Variants in LAMA4 observed in about 807,000 individuals in gnomAD.
The protein encoded by LAMA4 is laminin subunit alpha 4.
In LAMA4, 127 loss-of-function variants were observed where a neutral mutation model predicts 207.1. The ratio of observed to expected loss-of-function variants is 0.61; its 90% confidence interval spans 0.53 to 0.71. The LOEUF (loss-of-function observed/expected upper bound fraction) is 0.71. Ranked by LOEUF, LAMA4 falls within the 30% of genes least tolerant of loss-of-function variation. The pLI, the probability that LAMA4 is intolerant of heterozygous loss-of-function variation, is 0.00. For synonymous variants in LAMA4, 761 were observed against 816.0 expected, an observed-to-expected ratio of 0.93 and a Z score of 1.15; for missense variants, 2,093 against 2,246.5, an observed-to-expected ratio of 0.93 and a Z score of 1.38.
intron 13 of LAMA4, 135 bp downstream of exon 13, chr6:112,165,025 C>G: frequency 1.4e-6 from 1 of 739,984 alleles, no homozygotes; most frequent in Non-Finnish European, 2.5e-6. Context: ...GTGCAAGAAA[C>G]TAAAACATTC....
chr6:112,141,561 CT>C, intron 20 of LAMA4, 58 bp from the exon 21 acceptor site: 1 of 1,325,218 alleles, frequency 7.5e-7, no homozygotes, highest in Non-Finnish European at 1.1e-6. Context: ...TGAACATCAT[CT>C]TTTTTAAAGG....
chr6:112,234,829 A>C (rs1785791573), intron 2 of LAMA4: 1 of 152,236 alleles, frequency 6.6e-6, no homozygotes, highest in Non-Finnish European at 1.5e-5. Flanking sequence ...AAGTAACCAC[A>C]AATACTGTTT....
chr6:112,241,154 T>TATATATTCAG (rs1410745386), intron 2 of LAMA4, among the ~76,000 whole-genome samples: 1 of 64,680 alleles, frequency 1.5e-5, no homozygotes, highest in Non-Finnish European at 4.0e-5. Flanking sequence ...TATATGAATA[T>TATATATTCAG]ATATATGAAT....
At chr6:112,244,380 G>T (rs781914278) in intron 2 of LAMA4, among the ~76,000 whole-genome samples, 1 of 152,152 alleles carries the variant, frequency 6.6e-6, no homozygotes, top group African/African-American at 2.4e-5. Context: ...GAAACTCACG[G>T]TTCTGAGACT....
chr6:112,182,097 A>AAAAT (rs58426217), intron 9 of LAMA4, among the ~76,000 whole-genome samples: 2,467 of 148,624 alleles, frequency 0.017, 33 homozygotes, highest in African/African-American at 0.028. Flanking sequence ...ACTCTGTCTG[A>AAAAT]AAATAAATAA....
intron 13 of LAMA4, chr6:112,159,602 A>G (rs1780934054): frequency 1.3e-5 from 2 of 152,488 alleles, no homozygotes; most frequent in African/African-American, 4.8e-5. Flanking sequence ...GATTCTAAAC[A>G]TTGTCATGAT....
chr6:112,253,607 G>A, intron 2 of LAMA4: 1 of 802,824 alleles, frequency 1.2e-6, no homozygotes, highest in African/African-American at 1.7e-5. Context: ...CACACGTTAA[G>A]TGCCGTGGCT....
chr6:112,216,571 CA>C, intron 2 of LAMA4, 102 bp from the exon 3 acceptor site: 1 of 786,676 alleles, frequency 1.3e-6, no homozygotes, highest in Non-Finnish European at 2.2e-6. Context: ...ACAATCTAAA[CA>C]TTTCTAAAAT....
intron 5 of LAMA4, among the ~76,000 whole-genome samples, chr6:112,195,023 G>T (rs1656155155): frequency 6.6e-6 from 1 of 152,128 alleles, no homozygotes. Context: ...TAGAAAAAAA[G>T]ATTATTTTGA....
chr6:112,140,884 C>T lies in LAMA4; in HGVS notation c.2852G>A (p.Ser951Asn). 1 of 1,613,928 alleles carries T rather than the reference C, an allele frequency of 6.2e-7. No individual in the cohort carries two copies. Among genetic ancestry groups the T allele is most frequent in the South Asian group, 1.1e-5 (1 of 91,078 alleles). ...CTTTTCCTCTGCTGTGCTACTTAGA[C>T]TCGGGACTGTTAAAAACACCTTTCC... ...KHGKVFLTVP[S>N]LSSTAEEKFI... is the part of the protein sequence containing the mutation. The change falls in exon 22 of 39, where the codon AGT (serine) becomes AAT (asparagine). Residue 951 changes from serine to asparagine, a missense_variant. By Grantham distance (46) the Ser-to-Asn change is conservative. Around this residue, in one of 3 missense-constraint regions of LAMA4, gnomAD observed 1,704 missense variants for 1,788.4 expected, o/e 0.95. Coordinates refer to ENST00000230538, the MANE Select transcript of LAMA4 (RefSeq NM_001105206.3).
At chr6:112,141,795 C>A (rs1025758960) in intron 20 of LAMA4, among the ~76,000 whole-genome samples, 5 of 152,098 alleles carry the variant, frequency 3.3e-5, no homozygotes, top group Non-Finnish European at 5.9e-5. Context: ...CCTGACAGTA[C>A]CGATCACTAT....
At chr6:112,150,236 G>GACAC (rs1391618913) in intron 17 of LAMA4, among the ~76,000 whole-genome samples, 1 of 135,344 alleles carries the variant, frequency 7.4e-6, no homozygotes. Context: ...CACACACACA[G>GACAC]ACACACACAG....
chr6:112,135,949 T>C (rs1191033142), intron 25 of LAMA4, 174 bp downstream of exon 25: 7 of 587,094 alleles, frequency 1.2e-5, no homozygotes, highest in African/African-American at 1.1e-4. Flanking sequence ...TCCAATGTTT[T>C]AAAGTAAATG....
chr6:112,245,196 T>G (rs1301494316), intron 2 of LAMA4, among the ~76,000 whole-genome samples: 1 of 152,160 alleles, frequency 6.6e-6, no homozygotes, highest in South Asian at 2.1e-4. Flanking sequence ...AACACACACA[T>G]GTAGCCATGA....
Position 112,117,659 on chromosome 6 carries a change from C to T in LAMA4, c.4981+80G>A. On this transcript the variant is annotated intron_variant, in intron 35 of 38. Coordinates refer to ENST00000230538, the MANE Select transcript of LAMA4 (RefSeq NM_001105206.3). The surrounding 1 kb of genome is among the most constrained non-coding windows in gnomAD (Gnocchi z 4.5). ...TGAGTTTGGCATTCTTAAGTTTTAA[C>T]TCTGGGCCTGATATTCCCTGTTAGC... 1 of 1,422,054 alleles carries T rather than the reference C, an allele frequency of 7.0e-7. No homozygotes were observed. The highest frequency in any genetic ancestry group is 9.9e-7 in the Non-Finnish European group (1 of 1,009,750). The allele number at this position is 1,422,054 out of a possible 1,614,324, so 88.1% of individuals were successfully genotyped here.
At chr6:112,158,624 TAATC>T (rs1780867254) in intron 14 of LAMA4, 104 bp downstream of exon 14, 5 of 1,164,542 alleles carry the variant, frequency 4.3e-6, no homozygotes, top group Non-Finnish European at 5.1e-6. Context: ...TACCCAACCT[TAATC>T]AACCTGGTAA....
At chr6:112,163,131 C>G (rs1189982431) in intron 13 of LAMA4, among the ~76,000 whole-genome samples, 1 of 147,870 alleles carries the variant, frequency 6.8e-6, no homozygotes, top group Non-Finnish European at 1.5e-5. Flanking sequence ...ACCACCACGC[C>G]TAGCTATTTA....
At chr6:112,202,827 A>G (rs879959020) in intron 4 of LAMA4, among the ~76,000 whole-genome samples, 1 of 152,206 alleles carries the variant, frequency 6.6e-6, no homozygotes, top group South Asian at 2.1e-4. Flanking sequence ...CCGCGCTTCC[A>G]TCTTTCTTTG....
chr6:112,230,653 C>G (rs1785507375), intron 2 of LAMA4, among the ~76,000 whole-genome samples: 1 of 152,084 alleles, frequency 6.6e-6, no homozygotes, highest in South Asian at 2.1e-4. Context: ...AGTGAGCTGC[C>G]ATTCTTTTTT....
Sources: gnomAD v4.1 joint callset for allele counts (sites outside exome capture counted in the v4.1 genomes callset) on GRCh38, gnomAD v4.1.1 for gene constraint, gnomAD v4.1.1 regional missense constraint, Gnocchi (gnomAD v3.1) non-coding constraint, MANE v1.5 for transcripts, NCBI Gene and HGNC (gene_info 2026-07-23, HGNC 2026-07-21) for gene names.